Variants in RIMS2 observed in about 807,000 individuals in gnomAD.
The protein encoded by RIMS2 is regulating synaptic membrane exocytosis 2, also known as regulating synaptic membrane exocytosis protein 2.
RIMS2 carries 59 observed loss-of-function variants against 174.4 expected under a neutral mutation model. That is an observed-to-expected ratio of 0.34 (90% CI 0.27 to 0.42). The LOEUF (loss-of-function observed/expected upper bound fraction) is 0.42, where lower values mean the gene tolerates loss of function less well. RIMS2 is among the 10% of genes least tolerant of loss of function. The pLI is 1.00. For synonymous variants in RIMS2, 606 were observed against 572.5 expected (o/e 1.06, Z -0.84); for missense variants, 1,620 against 1,666.3 (o/e 0.97, Z 0.48).
chr8:103,992,300 AT>A (rs1186596011), intron 17 of RIMS2, among the ~76,000 whole-genome samples: 2 of 74,154 alleles, frequency 2.7e-5, no homozygotes, highest in Non-Finnish European at 5.7e-5. Flanking sequence ...TTTTTTTTGT[AT>A]TTTTAGTGGA....
chr8:104,246,894 A>G (rs543912978), intron 20 of RIMS2, among the ~76,000 whole-genome samples: 1 of 152,146 alleles, frequency 6.6e-6, no homozygotes, highest in African/African-American at 2.4e-5. Flanking sequence ...TATGTATTGT[A>G]AGGACTTTGC....
chr8:103,945,560 T>C (rs2083518724), intron 14 of RIMS2, among the ~76,000 whole-genome samples: 2 of 151,996 alleles, frequency 1.3e-5, no homozygotes, highest in South Asian at 2.1e-4. Context: ...ATAAATCGAA[T>C]CCAACAGTGT....
At chr8:103,576,970 C>T (rs2093288882) in intron 1 of RIMS2, among the ~76,000 whole-genome samples, 1 of 152,112 alleles carries the variant, frequency 6.6e-6, no homozygotes, top group East Asian at 1.9e-4. Context: ...ACCATAAAAA[C>T]CCTAGAAGAA....
intron 10 of RIMS2, among the ~76,000 whole-genome samples, chr8:103,925,546 A>G (rs755618590): frequency 3.3e-5 from 5 of 151,620 alleles, no homozygotes; most frequent in Non-Finnish European, 7.4e-5. Flanking sequence ...GGAAAGTGAC[A>G]TTAAAAATGC....
chr8:104,041,141 G>A (rs184472328), intron 19 of RIMS2, among the ~76,000 whole-genome samples, 185 bp from the exon 22 acceptor site: 60 of 151,678 alleles, frequency 4.0e-4, no homozygotes, highest in Middle Eastern at 3.4e-3. Context: ...AAATCAACTT[G>A]CCATCAGTTC....
intron 19 of RIMS2, among the ~76,000 whole-genome samples, chr8:104,174,881 CT>C (rs2098867981): frequency 6.6e-6 from 1 of 152,100 alleles, no homozygotes; most frequent in Non-Finnish European, 1.5e-5. Flanking sequence ...TTCTTTCACC[CT>C]TTTTATTTTC....
At chr8:103,661,482 A>G (rs2096599370) in intron 1 of RIMS2, among the ~76,000 whole-genome samples, 1 of 151,938 alleles carries the variant, frequency 6.6e-6, no homozygotes, top group South Asian at 2.1e-4. Flanking sequence ...CCATTTAGTT[A>G]TTTGGTAATA....
chr8:103,974,457 A>G (rs948648435), intron 15 of RIMS2, among the ~76,000 whole-genome samples: 3 of 152,164 alleles, frequency 2.0e-5, no homozygotes, highest in Admixed American at 6.5e-5. Flanking sequence ...TCTTTCCATT[A>G]TCAACCTTAT....
At chr8:103,944,847 T>G (rs1350204754) in intron 14 of RIMS2, among the ~76,000 whole-genome samples, 1 of 151,938 alleles carries the variant, frequency 6.6e-6, no homozygotes, top group Non-Finnish European at 1.5e-5. Context: ...TAAAAACATG[T>G]GCATACACAT....
chr8:103,830,301 A>G (rs1379699016), intron 3 of RIMS2, among the ~76,000 whole-genome samples: 1 of 152,132 alleles, frequency 6.6e-6, no homozygotes, highest in African/African-American at 2.4e-5. Context: ...AAAGCTTTGG[A>G]AGGTGGAACT....
chr8:103,849,929 T>C (rs1319337840), intron 3 of RIMS2, among the ~76,000 whole-genome samples: 2 of 151,998 alleles, frequency 1.3e-5, no homozygotes, highest in Non-Finnish European at 2.9e-5. Context: ...ATATTAATCA[T>C]TGAGTAAGTT....
exon 7 of RIMS2, chr8:103,915,525 C>T (rs767751551): frequency 1.2e-6 from 2 of 1,604,910 alleles, no homozygotes; most frequent in Non-Finnish European, 8.5e-7. Context: ...TGAATCAGGT[C>T]GGCTTTGTGC....
rs757665184 is a variant in RIMS2, at chr8:104,180,140, G to A, written c.3335-64776G>A. On this transcript the variant is annotated intron_variant, in intron 19 of 23. Coordinates refer to ENST00000504942, the Ensembl canonical transcript of RIMS2. ...TTAGGCTTTTCTATACAATGCTACC[G>A]TGAACAAACTTGTACTGACCTAATG... Among the ~76,000 whole-genome samples the A allele has an allele frequency of 3.3e-5, 5 of 151,838 alleles. No homozygotes were observed. In the South Asian group the frequency reaches 6.2e-4, roughly 19 times the overall value.
At chr8:103,811,728 G>A (rs2098689069) in intron 3 of RIMS2, among the ~76,000 whole-genome samples, 2 of 152,342 alleles carry the variant, frequency 1.3e-5, no homozygotes, top group South Asian at 4.1e-4. Context: ...TTACAGGCGT[G>A]GGCCACCACA....
rs145487117 is a variant in RIMS2 at position 103,544,241 on chromosome 8, G to T, written c.176+43179G>T. Among the ~76,000 whole-genome samples, 640 of 152,344 alleles carry T rather than the reference G, an allele frequency of 4.2e-3. 4 individuals carry two copies. The highest frequency in any genetic ancestry group is 0.015 in the African/African-American group (610 of 41,572). ...GGGAAACACCTGAGTGACAGGGCAG[G>T]TGACTCTGCCTACCCCTGCTGCTGG... On this transcript the variant is annotated intron_variant, in intron 1 of 23. Transcript: ENST00000504942.
At chr8:104,113,026 G>C (rs1451499461) in intron 19 of RIMS2, among the ~76,000 whole-genome samples, 1 of 151,876 alleles carries the variant, frequency 6.6e-6, no homozygotes, top group African/African-American at 2.4e-5. Flanking sequence ...ATACTTTTCT[G>C]CTAATGGTTC....
chr8:103,543,370 A>G (rs193218619), intron 1 of RIMS2, among the ~76,000 whole-genome samples: 252 of 152,348 alleles, frequency 1.7e-3, no homozygotes, highest in Non-Finnish European at 2.6e-3. Flanking sequence ...AGATGACACA[A>G]ATAAATGGAT....
intron 17 of RIMS2, 64 bp from the exon 20 acceptor site, chr8:104,013,378 A>G (rs1433556361): frequency 6.6e-6 from 9 of 1,364,522 alleles, no homozygotes; most frequent in Admixed American, 3.8e-5. Flanking sequence ...AGTTTGATGC[A>G]TCATAACCAA....
At chr8:104,252,804 T>C (rs558232263), downstream of RIMS2, 8 of 152,310 alleles carry the variant, frequency 5.3e-5, no homozygotes, top group African/African-American at 1.9e-4. Flanking sequence ...TGAAGTTCAA[T>C]ATGTGCAAAT....
Sources: allele counts gnomAD v4.1 joint callset (sites outside exome capture counted in the v4.1 genomes callset), GRCh38; gene constraint gnomAD v4.1.1; transcripts MANE v1.5; gene names NCBI Gene and HGNC (gene_info 2026-07-23, HGNC 2026-07-21).